USP48: variants seen among roughly 807,000 people sequenced by gnomAD.
USP48 encodes ubiquitin specific peptidase 48, also known as ubiquitin carboxyl-terminal hydrolase 48.
USP48 carries 43 observed loss-of-function variants against 150.7 expected under a neutral mutation model. The ratio of observed to expected loss-of-function variants is 0.29; its 90% CI spans 0.22 to 0.37. The LOEUF (loss-of-function observed/expected upper bound fraction) is 0.37. USP48 is among the 10% of genes least tolerant of loss of function. The pLI is 1.00. For missense variants in USP48, 813 were observed against 1,249.6 expected, an observed-to-expected ratio of 0.65 and a Z score of 5.27; for synonymous variants, 396 against 425.9, an observed-to-expected ratio of 0.93 and a Z score of 0.86.
At chr1:21,705,643 G>T in intron 19 of USP48, 84 bp downstream of exon 19, 1 of 1,015,502 alleles carries the variant, frequency 9.8e-7, no homozygotes, top group Non-Finnish European at 1.4e-6. Context: ...GACTATGTCA[G>T]ATGAGAAATT....
chr1:21,780,547 G>A (rs1363535806), intron 1 of USP48, among the ~76,000 whole-genome samples: 1 of 151,980 alleles, frequency 6.6e-6, no homozygotes, highest in Non-Finnish European at 1.5e-5. Flanking sequence ...ACTGTCATAT[G>A]TATTTCCCAG....
At chr1:21,732,896 G>C (rs1464718280) in intron 9 of USP48, 1 of 153,378 alleles carries the variant, frequency 6.5e-6, no homozygotes, top group Non-Finnish European at 1.5e-5. Context: ...TATAGCATTT[G>C]GAGCTACTTA....
chr1:21,720,152 A>T (rs1436684719), intron 14 of USP48, among the ~76,000 whole-genome samples: 1 of 152,244 alleles, frequency 6.6e-6, no homozygotes, highest in African/African-American at 2.4e-5. Context: ...TCTCTATTTG[A>T]TGAAAGATAA....
At chr1:21,707,782 A>G (rs548864338) in intron 15 of USP48, among the ~76,000 whole-genome samples, 104 of 152,376 alleles carry the variant, frequency 6.8e-4, no homozygotes, top group African/African-American at 2.2e-3. Flanking sequence ...TTCTAAATAC[A>G]TACTACACTT....
chr1:21,683,708 T>G (rs368349756), intron 25 of USP48, among the ~76,000 whole-genome samples: 1 of 152,188 alleles, frequency 6.6e-6, no homozygotes, highest in Non-Finnish European at 1.5e-5. Context: ...ATATACAACA[T>G]ATCACCCTAC....
Position 21,690,058 on chromosome 1 carries a change from C to T in USP48, c.2925G>A (p.Leu975=), listed in dbSNP as rs201107955. The T allele has an allele frequency of 6.2e-7, 1 of 1,613,954 alleles. No individual in the cohort carries two copies. The highest frequency in any genetic ancestry group is 2.2e-5 in the East Asian group (1 of 44,862). Reference sequence around the variant, plus strand: ...CACTTAAAATCTTTCCATCAATTGACAAATTCTGGTCAAAAGGAGCAACTG... The same window carrying T: ...CACTTAAAATCTTTCCATCAATTGATAAATTCTGGTCAAAAGGAGCAACTG... The part of the protein sequence containing the change: ...AFSVAPFDQN[L]SIDGKILSDD... The change falls in exon 24 of 27, where the codon TTG becomes TTA. Residue 975 remains leucine (L), a synonymous_variant. Coordinates refer to ENST00000308271, the MANE Select transcript of USP48 (RefSeq NM_032236.8).
chr1:21,778,413 T>C (rs191964687), intron 1 of USP48, among the ~76,000 whole-genome samples: 158 of 152,118 alleles, frequency 1.0e-3, no homozygotes, highest in Middle Eastern at 3.4e-3. Flanking sequence ...GGAATCCTCA[T>C]ATACTGCTTG....
chr1:21,752,028 A>G (rs552382297), intron 5 of USP48, among the ~76,000 whole-genome samples: 45 of 152,028 alleles, frequency 3.0e-4, no homozygotes, highest in African/African-American at 1.0e-3. Context: ...AAAAAAAAAA[A>G]AAAAAGAAAA....
At chr1:21,712,451 A>G (rs1316955855) in intron 15 of USP48, among the ~76,000 whole-genome samples, 1 of 152,140 alleles carries the variant, frequency 6.6e-6, no homozygotes, top group Non-Finnish European at 1.5e-5. Flanking sequence ...ATTGCCCACT[A>G]TAATCCTCCT....
chr1:21,742,436 C>G (rs1450877976), intron 8 of USP48, among the ~76,000 whole-genome samples: 1 of 151,494 alleles, frequency 6.6e-6, no homozygotes, highest in Admixed American at 6.6e-5. Context: ...CCCAGCTACC[C>G]GAGAGGCTGA....
chr1:21,768,983 C>T (rs1557608563), intron 1 of USP48, among the ~76,000 whole-genome samples: 1 of 152,090 alleles, frequency 6.6e-6, no homozygotes, highest in Admixed American at 6.6e-5. Context: ...TTTTTTAAAA[C>T]ACACACACAG....
chr1:21,765,901 C>CAAAAAAAAAAAAAAAAAAAAAAAAA (rs199539331), intron 1 of USP48, among the ~76,000 whole-genome samples: 1 of 112,162 alleles, frequency 8.9e-6, no homozygotes, highest in African/African-American at 4.1e-5. Context: ...ACTCCATCTC[C>CAAAAAAAAAAAAAAAAAAAAAAAAA]AAAAAAAAAA....
chr1:21,733,841 G>C (rs1025338921), intron 9 of USP48, among the ~76,000 whole-genome samples: 4 of 151,734 alleles, frequency 2.6e-5, no homozygotes, highest in Non-Finnish European at 5.9e-5. Flanking sequence ...GCCCAGGCTG[G>C]AGTGCAGTGG....
intron 11 of USP48, chr1:21,727,992 A>G: frequency 1.0e-6 from 1 of 985,464 alleles, no homozygotes. Flanking sequence ...AAAAGGCTTA[A>G]TTTGGTTTCA....
chr1:21,773,536 C>T (rs948083812), intron 1 of USP48, among the ~76,000 whole-genome samples: 4 of 152,022 alleles, frequency 2.6e-5, no homozygotes, highest in Non-Finnish European at 5.9e-5. Context: ...CTCAATGTCA[C>T]CAGCAAAAAA....
At chr1:21,731,854 G>A (rs1044353561) in intron 9 of USP48, among the ~76,000 whole-genome samples, 3 of 152,078 alleles carry the variant, frequency 2.0e-5, no homozygotes, top group African/African-American at 7.2e-5. Context: ...GGGTGACAGT[G>A]AGACTCAGTC....
chr1:21,777,818 T>C (rs989669115), intron 1 of USP48, among the ~76,000 whole-genome samples: 32 of 151,972 alleles, frequency 2.1e-4, no homozygotes, highest in African/African-American at 7.5e-4. Flanking sequence ...AAGGGACTTA[T>C]ATGCAGTATA....
intron 1 of USP48, among the ~76,000 whole-genome samples, chr1:21,764,081 A>G (rs1448203718): frequency 6.6e-6 from 1 of 152,086 alleles, no homozygotes; most frequent in Non-Finnish European, 1.5e-5. Context: ...GTAGAAAAAC[A>G]GTTATGTGTA....
rs772248242 is a variant in USP48, at chr1:21,747,159, A to G, written c.909-10T>C. 10 of 1,590,666 alleles carry G rather than the reference A, an allele frequency of 6.3e-6. No homozygotes were observed. In the Admixed American group the frequency reaches 1.7e-4, roughly 28 times the overall value. ...CTTATGTCCAGTTTGCCTAACCAAG[A>G]GGAAAGCTGATTATATTTACATTTA... On this transcript the variant is annotated splice_polypyrimidine_tract_variant and intron_variant, in intron 7 of 26. Coordinates refer to ENST00000308271, the MANE Select transcript of USP48 (RefSeq NM_032236.8).
Sources: allele counts gnomAD v4.1 joint callset (sites outside exome capture counted in the v4.1 genomes callset), GRCh38; gene constraint gnomAD v4.1.1; transcripts MANE v1.5; gene names NCBI Gene and HGNC (gene_info 2026-07-23, HGNC 2026-07-21).